Variants in CLEC17A observed in about 807,000 individuals in gnomAD.
CLEC17A encodes the protein C-type lectin domain containing 17A.
A neutral mutation model predicts 61.3 loss-of-function variants in CLEC17A; 37 were observed. The ratio of observed to expected loss-of-function variants is 0.60; its 90% CI spans 0.46 to 0.79. The LOEUF is 0.79. Among genes scored for constraint, CLEC17A ranks in the 30% least tolerant of loss-of-function variants. CLEC17A has a pLI of 0.00. For missense variants in CLEC17A, 418 were observed against 464.7 expected, an observed-to-expected ratio of 0.90 and a Z score of 0.92; for synonymous variants, 168 against 164.9, an observed-to-expected ratio of 1.02 and a Z score of -0.14.
At chr19:14,596,166 A>C (rs1037671713) in intron 8 of CLEC17A, among the ~76,000 whole-genome samples, 1 of 152,008 alleles carries the variant, frequency 6.6e-6, no homozygotes, top group South Asian at 2.1e-4. Flanking sequence ...TCCTTGACCT[A>C]GGAGCAACTT....
intron 4 of CLEC17A, among the ~76,000 whole-genome samples, chr19:14,593,731 C>A (rs1006973582): frequency 6.6e-6 from 1 of 151,738 alleles, no homozygotes; most frequent in Non-Finnish European, 1.5e-5. Context: ...GAGGCTGAGG[C>A]GGGTGGATCA....
rs568264704 is a variant in CLEC17A, at chr19:14,593,052, T to C, written c.277+694T>C. ...TCATAAAAGCTGGTGCTTGAGAAAC[T>C]GGGAGTGGCCTGTGGGCTCCTCAAT... On this transcript the variant is annotated intron_variant, in intron 4 of 13. Coordinates refer to ENST00000417570, the MANE Select transcript of CLEC17A (RefSeq NM_001204118.2). Among the ~76,000 whole-genome samples, 22 of 152,206 alleles carry C rather than the reference T, an allele frequency of 1.4e-4. 1 individual carries two copies. In the South Asian group the frequency reaches 4.1e-3, roughly 29 times the overall value.
chr19:14,583,625 G>C (rs1279101264), intron 2 of CLEC17A, among the ~76,000 whole-genome samples, 191 bp downstream of exon 2: 1 of 152,070 alleles, frequency 6.6e-6, no homozygotes, highest in Non-Finnish European at 1.5e-5. Context: ...CACAGTCTTG[G>C]TGAGCAGGGT....
At chr19:14,582,160 T>C, upstream of CLEC17A, among the ~76,000 whole-genome samples, 1 of 152,156 alleles carries the variant, frequency 6.6e-6, no homozygotes, top group South Asian at 2.1e-4. Flanking sequence ...CACATTGCCT[T>C]TTTTTTGTGT....
At chr19:14,598,640 A>T (rs1412149730) in intron 10 of CLEC17A, among the ~76,000 whole-genome samples, 1 of 151,784 alleles carries the variant, frequency 6.6e-6, no homozygotes, top group Admixed American at 6.6e-5. Context: ...CTCCCGGCTA[A>T]TTTTTTGTAT....
chr19:14,601,278 C>T (rs913239176), intron 12 of CLEC17A, among the ~76,000 whole-genome samples: 2 of 152,116 alleles, frequency 1.3e-5, no homozygotes, highest in African/African-American at 4.8e-5. Context: ...GGAAATCATA[C>T]ATTGACTGTC....
rs528283799 is a variant in CLEC17A, at chr19:14,598,694, C to T, written c.647-1023C>T. Among the ~76,000 whole-genome samples, 259 of 151,988 alleles carry T rather than the reference C, an allele frequency of 1.7e-3. 2 individuals carry two copies. The highest frequency in any genetic ancestry group is 6.0e-3 in the African/African-American group (247 of 41,478). ...TTCACCCTGTTGGCCAGGCTGGTCT[C>T]GAACTCCTGACCTCAGGTGACCCAT... On this transcript the variant is annotated intron_variant, in intron 10 of 13. Transcript: ENST00000417570.
Position 14,606,986 on chromosome 19 carries a change from T to A in CLEC17A, c.895-7T>A, listed in dbSNP as rs1402704902. On this transcript the variant is annotated splice_polypyrimidine_tract_variant and splice_region_variant and intron_variant, in intron 12 of 13. Transcript: ENST00000417570. ...AATGGCTGGCTGAATGGAATTTTTA[T>A]TTGCAGAATTTTGTGGCCAAGGCCC... 1 of 1,269,060 alleles carries A rather than the reference T, an allele frequency of 7.9e-7. No homozygotes were observed. The highest frequency in any genetic ancestry group is 3.7e-5 in the Admixed American group (1 of 26,760). The allele number at this position is 1,269,060 out of a possible 1,614,324, so 78.6% of individuals were successfully genotyped here.
At chr19:14,581,739 A>G (rs1025225482), upstream of CLEC17A, among the ~76,000 whole-genome samples, 1 of 149,988 alleles carries the variant, frequency 6.7e-6, no homozygotes, top group Admixed American at 6.7e-5. Context: ...TGCAACCTCT[A>G]CCTCCCGAGT....
chr19:14,600,062 G>C lies in CLEC17A; in HGVS notation c.774G>C (p.Trp258Cys), dbSNP rs757174646. The change falls in exon 12 of 14, where the codon TGG (tryptophan) becomes TGC (cysteine). Residue 258 changes from tryptophan (W) to cysteine (C), a missense_variant. Coordinates refer to ENST00000417570, the MANE Select transcript of CLEC17A (RefSeq NM_001204118.2). ...DCRRITCPEG[W>C]LPFEGKCYYF... ...GCCGAATTACCTGTCCTGAAGGCTG[G>C]CTGCCCTTTGAGGGCAAGTGTTACT... 6.2e-7 allele frequency: 1 copy of C among 1,613,998 alleles called. No individual in the cohort carries two copies. Among genetic ancestry groups the C allele is most frequent in the Non-Finnish European group, 8.5e-7 (1 of 1,179,896 alleles).
Position 14,583,200 on chromosome 19 carries a change from C to A in CLEC17A, c.40C>A (p.Pro14Thr), listed in dbSNP as rs1195864750. ...LYSITGYPDP[P>T]GTMEEEEEDD... Reference sequence around the variant, plus strand: ...TTCCATCACTGGGTACCCGGACCCACCAGGTAAGGCCCCGGCCAGGCTGGG... The same window carrying A: ...TTCCATCACTGGGTACCCGGACCCAACAGGTAAGGCCCCGGCCAGGCTGGG... Residue 14 changes from proline to threonine, a missense_variant, in exon 1 of 14, where the codon CCA (proline) becomes ACA (threonine). Physicochemically the swap from Pro to Thr is conservative, Grantham distance 38. Coordinates refer to ENST00000417570, the MANE Select transcript of CLEC17A (RefSeq NM_001204118.2). 6.2e-7 allele frequency: 1 copy of A among 1,613,916 alleles called. No homozygotes were observed. Among genetic ancestry groups the A allele is most frequent in the East Asian group, 2.2e-5 (1 of 44,884 alleles).
At chr19:14,607,209 CTT>C (rs796728273) in intron 13 of CLEC17A, 107 bp downstream of exon 13, 1,341 of 296,366 alleles carry the variant, frequency 4.5e-3, no homozygotes, top group East Asian at 6.0e-3. Context: ...GGAGCTGTTT[CTT>C]TTTTTTTTTT....
At chr19:14,592,530 G>A (rs973223996) in intron 4 of CLEC17A, among the ~76,000 whole-genome samples, 172 bp downstream of exon 4, 1 of 152,290 alleles carries the variant, frequency 6.6e-6, no homozygotes, top group African/African-American at 2.4e-5. Flanking sequence ...TGGCAGAGGC[G>A]GGTTTGGACA....
At chr19:14,601,948 A>C (rs1377216548) in intron 12 of CLEC17A, among the ~76,000 whole-genome samples, 1 of 151,908 alleles carries the variant, frequency 6.6e-6, no homozygotes, top group Non-Finnish European at 1.5e-5. Context: ...GCCCGCCACC[A>C]CACCCAGCTA....
At chr19:14,592,435 A>T in intron 4 of CLEC17A, 77 bp downstream of exon 4, 2 of 1,589,562 alleles carry the variant, frequency 1.3e-6, no homozygotes, top group Non-Finnish European at 1.7e-6. Context: ...TGGGCATTGT[A>T]GACACACAGT....
chr19:14,594,431 C>G, intron 4 of CLEC17A, 86 bp from the exon 5 acceptor site: 1 of 1,508,382 alleles, frequency 6.6e-7, no homozygotes, highest in Non-Finnish European at 9.0e-7. Context: ...CAATCCTCCA[C>G]TGCAATCCTA....
upstream of CLEC17A, among the ~76,000 whole-genome samples, chr19:14,581,161 G>A (rs1409552047): frequency 1.3e-5 from 2 of 152,264 alleles, no homozygotes; most frequent in East Asian, 3.9e-4. Flanking sequence ...AATGTTCCTT[G>A]TTGTTGAAGC....
In CLEC17A at chr19:14,583,196, C is replaced by CCCA; in HGVS notation, c.40_42dup (p.Pro14dup). 1 of 1,613,916 alleles carries CCCA rather than the reference C, an allele frequency of 6.2e-7. No individual in the cohort carries two copies. The highest frequency in any genetic ancestry group is 8.5e-7 in the Non-Finnish European group (1 of 1,179,888). On this transcript the variant is annotated inframe_insertion, in exon 1 of 14. Coordinates refer to ENST00000417570, the MANE Select transcript of CLEC17A (RefSeq NM_001204118.2). The stretch of plus-strand genomic sequence containing the variant: ...TGTATTCCATCACTGGGTACCCGGA[C>CCCA]CCACCAGGTAAGGCCCCGGCCAGGC...
chr19:14,597,623 A>G (rs1051930326), intron 10 of CLEC17A, among the ~76,000 whole-genome samples: 12 of 152,250 alleles, frequency 7.9e-5, no homozygotes, highest in Admixed American at 7.2e-4. Context: ...TTGTCATCCC[A>G]ACTACTCAAG....
Sources: allele counts gnomAD v4.1 joint callset (sites outside exome capture counted in the v4.1 genomes callset), GRCh38; gene constraint gnomAD v4.1.1; transcripts MANE v1.5; gene names NCBI Gene and HGNC (gene_info 2026-07-23, HGNC 2026-07-21).